The following SHPK variants were observed in gnomAD, a reference collection of about 807,000 sequenced individuals.
SHPK encodes the protein sedoheptulokinase.
In SHPK, 51 loss-of-function variants were observed where a neutral mutation model predicts 46.3. The observed-to-expected ratio is 1.10, with a 90% CI of 0.88 to 1.39. The LOEUF is 1.39. Among genes scored for constraint, SHPK ranks in the 40% most tolerant of loss-of-function variants. The pLI, the probability that SHPK is intolerant of heterozygous loss-of-function variation, is 0.00. For missense variants in SHPK, 668 were observed against 641.3 expected (o/e 1.04, Z -0.45); for synonymous variants, 290 against 273.9 (o/e 1.06, Z -0.58).
rs914714250 is a variant in SHPK at position 3,617,813 on chromosome 17, C to A, written c.824-2276G>T. Among the ~76,000 whole-genome samples, 5 of 150,392 alleles carry A rather than the reference C, an allele frequency of 3.3e-5. No homozygotes were observed. The South Asian group carries it at 6.3e-4, about 19-fold the overall frequency. On this transcript the variant is annotated intron_variant, in intron 5 of 6. Coordinates refer to ENST00000225519, the MANE Select transcript of SHPK (RefSeq NM_013276.4). ...GCCTGTTTACCTCCTACCCCAAAGTCAAAAAAAAATTAAAAAGGAGAACTA... is the reference window on the plus strand; with the variant it reads ...GCCTGTTTACCTCCTACCCCAAAGTAAAAAAAAAATTAAAAAGGAGAACTA...
chr17:3,620,680 C>G (rs551469066), intron 5 of SHPK, among the ~76,000 whole-genome samples: 15 of 152,208 alleles, frequency 9.9e-5, no homozygotes, highest in Admixed American at 5.2e-4. Flanking sequence ...TCTGCCTCAG[C>G]CTCCTGAGTA....
rs1447380307 is a variant in SHPK at position 3,623,429 on chromosome 17, A to G, written c.557T>C (p.Leu186Pro). 6.2e-7 allele frequency: 1 copy of G among 1,614,182 alleles called. No homozygotes were observed. The highest frequency in any genetic ancestry group is 1.1e-5 in the South Asian group (1 of 91,092). Residue 186 changes from leucine (L) to proline (P), a missense_variant, in exon 4 of 7, where the codon CTG (leucine) becomes CCG (proline). Leu to Pro is a moderately conservative substitution (Grantham distance 98). Transcript: ENST00000225519. ...GTIHDYVVAM[L>P]CGLPRPLMSD... Reference sequence around the variant, plus strand: ...CATCAGAGGTCTTGGCAAGCCACACAGCATGGCAACCACATAGTCGTGGAT... The same window carrying G: ...CATCAGAGGTCTTGGCAAGCCACACGGCATGGCAACCACATAGTCGTGGAT...
At chr17:3,620,371 C>T (rs8073440) in intron 5 of SHPK, among the ~76,000 whole-genome samples, 19,635 of 151,910 alleles carry the variant, frequency 0.13, 1,600 homozygotes, top group Middle Eastern at 0.19. Context: ...CACCATTCTC[C>T]TGCCTCAGCC....
At position 3,622,298 on chromosome 17, in the gene SHPK, T is replaced by C. The variant is rs575374710; in HGVS notation, c.648-886A>G. ...TACACTGGCTTTCATAAGCTTAGGA[T>C]TCACCTTCCAGGAAAGAAAACAAAC... On this transcript the variant is annotated intron_variant, in intron 4 of 6. Coordinates refer to ENST00000225519, the MANE Select transcript of SHPK (RefSeq NM_013276.4). 4.6e-5 allele frequency among the ~76,000 whole-genome samples: 7 copies of C among 152,248 alleles called. No homozygotes were observed. The South Asian group carries it at 1.5e-3, about 32-fold the overall frequency.
chr17:3,615,936 C>T (rs2075369388), intron 5 of SHPK, among the ~76,000 whole-genome samples: 2 of 150,716 alleles, frequency 1.3e-5, no homozygotes, highest in South Asian at 4.2e-4. Flanking sequence ...CTCACTACAA[C>T]CTCCACCTCC....
In SHPK at chr17:3,630,339, T is replaced by C. The variant is rs759573984; in HGVS notation, c.176A>G (p.Glu59Gly). The C allele has an allele frequency of 5.0e-6, 8 of 1,608,170 alleles. No individual in the cohort carries two copies. The Admixed American group carries it at 1.0e-4, about 20-fold the overall frequency. The change falls in exon 2 of 7, where the codon GAG (glutamate) becomes GGG (glycine). Residue 59 changes from glutamate (E) to glycine (G), a missense_variant. Glu to Gly is a moderately conservative substitution (Grantham distance 98). Coordinates refer to ENST00000225519, the MANE Select transcript of SHPK (RefSeq NM_013276.4). ...ESAVAGPQGR[E>G]QDVSRILQAL... ...TTGGAGGATTCTACTCACATCCTGC[T>C]CCCGCCCCTGGAAGCAAAAGAGAAC...
At chr17:3,619,732 CAAAAAA>C in intron 5 of SHPK, 1 of 287,258 alleles carries the variant, frequency 3.5e-6, no homozygotes, top group Non-Finnish European at 6.5e-6. Context: ...GACTCCATCT[CAAAAAA>C]AAAAAAAAAA....
At chr17:3,623,540 A>T in intron 3 of SHPK, 49 bp from the exon 4 acceptor site, 1 of 1,593,052 alleles carries the variant, frequency 6.3e-7, no homozygotes, top group Non-Finnish European at 8.6e-7. Context: ...TGAACTCGGA[A>T]GCATGTGCCG....
Position 3,615,527 on chromosome 17 carries a change from G to C in SHPK, c.834C>G (p.Ile278Met), listed in dbSNP as rs1305574876. Residue 278 changes from isoleucine to methionine, a missense_variant, in exon 6 of 7, where the codon ATC (isoleucine) becomes ATG (methionine). Coordinates refer to ENST00000225519, the MANE Select transcript of SHPK (RefSeq NM_013276.4). ...MAQRTDAVLN[I>M]STSVQLAASM... Reference sequence around the variant, plus strand: ...AGGCTGCCAGCTGAACCGAGGTGCTGATGTTGAGAACTGGGGTCCGAAGAG... The same window carrying C: ...AGGCTGCCAGCTGAACCGAGGTGCTCATGTTGAGAACTGGGGTCCGAAGAG... The C allele has an allele frequency of 2.5e-6, 4 of 1,614,148 alleles. No individual in the cohort carries two copies. The highest frequency in any genetic ancestry group is 2.5e-6 in the Non-Finnish European group (3 of 1,179,984).
intron 1 of SHPK, among the ~76,000 whole-genome samples, chr17:3,631,353 A>C (rs2075470597): frequency 6.6e-6 from 1 of 151,944 alleles, no homozygotes. Flanking sequence ...GGTGGGGGGC[A>C]GGAAGAAGGG....
intron 5 of SHPK, among the ~76,000 whole-genome samples, chr17:3,618,733 T>C (rs1271000120): frequency 2.6e-5 from 4 of 152,044 alleles, no homozygotes; most frequent in African/African-American, 7.2e-5. Context: ...TGAGCTGAGA[T>C]TGTGCCACTG....
At chr17:3,613,893 C>T (rs2075357044) in intron 6 of SHPK, among the ~76,000 whole-genome samples, 1 of 152,080 alleles carries the variant, frequency 6.6e-6, no homozygotes, top group Non-Finnish European at 1.5e-5. Flanking sequence ...TTAAAACATA[C>T]TCTTCCTCCT....
rs1041642561 is a variant in SHPK at position 3,631,855 on chromosome 17, G to T, written c.169-1509C>A. On this transcript the variant is annotated intron_variant, in intron 1 of 6. Coordinates refer to ENST00000225519, the MANE Select transcript of SHPK (RefSeq NM_013276.4). Reference sequence around the variant, plus strand: ...CACACATCAAACTGATAATGTGCTGGATACACTGGGTTAAATAAAATATGC... The same window carrying T: ...CACACATCAAACTGATAATGTGCTGTATACACTGGGTTAAATAAAATATGC... Among the ~76,000 whole-genome samples the T allele has an allele frequency of 4.0e-5, 6 of 151,822 alleles. No individual in the cohort carries two copies. The South Asian group carries it at 1.0e-3, about 26-fold the overall frequency.
intron 2 of SHPK, among the ~76,000 whole-genome samples, chr17:3,624,895 T>C (rs1347167635): frequency 6.6e-6 from 1 of 152,144 alleles, no homozygotes; most frequent in African/African-American, 2.4e-5. Context: ...GCTCAGGCAA[T>C]CCACCCACCT....
intron 1 of SHPK, among the ~76,000 whole-genome samples, chr17:3,635,687 G>A (rs893188173): frequency 1.3e-5 from 2 of 152,202 alleles, no homozygotes; most frequent in Non-Finnish European, 2.9e-5. Flanking sequence ...CAGGTGTGAG[G>A]AGCGGAGAGC....
Position 3,623,437 on chromosome 17 carries a change from A to G in SHPK, c.549T>C (p.Val183=). Residue 183 remains valine, a synonymous_variant, in exon 4 of 7, where the codon GTT becomes GTC. Transcript: ENST00000225519. ...DAAGTIHDYV[V]AMLCGLPRPL... ...GTCTTGGCAAGCCACACAGCATGGC[A>G]ACCACATAGTCGTGGATGGTACCGG... is the stretch of plus-strand genomic sequence containing the variant. 6.2e-7 allele frequency: 1 copy of G among 1,614,168 alleles called. No homozygotes were observed. The highest frequency in any genetic ancestry group is 8.5e-7 in the Non-Finnish European group (1 of 1,179,974).
At chr17:3,616,468 C>T (rs2075372206) in intron 5 of SHPK, among the ~76,000 whole-genome samples, 1 of 152,178 alleles carries the variant, frequency 6.6e-6, no homozygotes, top group Non-Finnish European at 1.5e-5. Flanking sequence ...CTTTGGAAGA[C>T]TGCAGCTCCA....
intron 6 of SHPK, among the ~76,000 whole-genome samples, chr17:3,611,809 T>G (rs1281662850): frequency 2.7e-5 from 4 of 147,774 alleles, no homozygotes; most frequent in Non-Finnish European, 6.0e-5. Flanking sequence ...TTTTTTTTTT[T>G]TTTTTTTTTT....
In SHPK at chr17:3,609,322, T is replaced by TGAGAGAGAGAGAGAGAGAGA. The variant is rs3840876; in HGVS notation, c.*1218_*1237dup. ...TATGTTTCATACCTGTCATGGATAC[T>TGAGAGAGAGAGAGAGAGAGA]GAGAGAGAGAGAGAGAGAGAGAGAG... On this transcript the variant is annotated 3_prime_UTR_variant, in exon 7 of 7. Transcript: ENST00000225519. The TGAGAGAGAGAGAGAGAGAGA allele has an allele frequency of 5.2e-4, 77 of 148,672 alleles. No individual in the cohort carries two copies. Among genetic ancestry groups the TGAGAGAGAGAGAGAGAGAGA allele is most frequent in the African/African-American group, 1.5e-3 (61 of 40,016 alleles). 9.2% of individuals were successfully genotyped at this position (148,672 alleles called of 1,614,324 possible). A position where few individuals can be genotyped will look rare whatever the true frequency, so the allele number is the denominator to read the frequency against.
Sources: allele counts gnomAD v4.1 joint callset (sites outside exome capture counted in the v4.1 genomes callset), GRCh38; gene constraint gnomAD v4.1.1; transcripts MANE v1.5; gene names NCBI Gene and HGNC (gene_info 2026-07-23, HGNC 2026-07-21).